The following EIF2AK3 variants were observed in gnomAD, a reference collection of about 807,000 sequenced individuals.
EIF2AK3 encodes eukaryotic translation initiation factor 2-alpha kinase 3.
In EIF2AK3, 50 loss-of-function variants were observed where a neutral mutation model predicts 113.5. The observed-to-expected ratio is 0.44, with a 90% CI of 0.35 to 0.56. The LOEUF is 0.56. Ranked by LOEUF, EIF2AK3 falls within the 20% of genes least tolerant of loss-of-function variation. The pLI, the probability that EIF2AK3 is intolerant of heterozygous loss-of-function variation, is 0.00. For missense variants in EIF2AK3, 1,185 were observed against 1,378.0 expected (o/e 0.86, Z 2.22); for synonymous variants, 448 against 495.4 (o/e 0.90, Z 1.27).
intron 2 of EIF2AK3, among the ~76,000 whole-genome samples, chr2:88,605,647 T>G (rs561869793): frequency 8.5e-5 from 13 of 152,292 alleles, no homozygotes; most frequent in African/African-American, 3.1e-4. Context: ...CAAGTATATG[T>G]CTGTATATTT....
chr2:88,607,614 C>G (rs1343341402), intron 2 of EIF2AK3, among the ~76,000 whole-genome samples: 1 of 152,156 alleles, frequency 6.6e-6, no homozygotes, highest in Non-Finnish European at 1.5e-5. Flanking sequence ...GTCAATTTCC[C>G]TTATCTTCCA....
intron 15 of EIF2AK3, among the ~76,000 whole-genome samples, chr2:88,561,201 G>A (rs557845400): frequency 4.6e-4 from 69 of 151,632 alleles, no homozygotes; most frequent in Non-Finnish European, 2.9e-4. Context: ...TGATCTTCCT[G>A]CTTGAGCCTC....
chr2:88,612,560 T>C (rs778655943), intron 2 of EIF2AK3, among the ~76,000 whole-genome samples: 19 of 152,352 alleles, frequency 1.2e-4, no homozygotes, highest in East Asian at 5.8e-4. Context: ...TAGCCACTTA[T>C]AAAGTCTACT....
intron 2 of EIF2AK3, among the ~76,000 whole-genome samples, chr2:88,611,295 C>CCAACTTAT (rs1675449651): frequency 6.6e-6 from 1 of 152,076 alleles, no homozygotes; most frequent in Non-Finnish European, 1.5e-5. Flanking sequence ...CAAAATGGGA[C>CCAACTTAT]CAACTTATCA....
At chr2:88,582,468 C>T (rs554104160) in intron 10 of EIF2AK3, among the ~76,000 whole-genome samples, 1 of 152,080 alleles carries the variant, frequency 6.6e-6, no homozygotes, top group Non-Finnish European at 1.5e-5. Flanking sequence ...AGGTGTTGTT[C>T]TCCAATGGGA....
intron 2 of EIF2AK3, among the ~76,000 whole-genome samples, chr2:88,599,533 C>G (rs1573412253): frequency 6.6e-6 from 1 of 150,876 alleles, no homozygotes; most frequent in South Asian, 2.1e-4. Context: ...CATTATCTAC[C>G]TCCATATTAT....
At chr2:88,567,274 A>G (rs917811451) in intron 14 of EIF2AK3, among the ~76,000 whole-genome samples, 6 of 151,924 alleles carry the variant, frequency 3.9e-5, no homozygotes, top group Non-Finnish European at 8.8e-5. Flanking sequence ...ATTTAAACAC[A>G]TCTATTTATT....
chr2:88,616,022 T>A (rs1196691464), intron 1 of EIF2AK3, among the ~76,000 whole-genome samples: 8 of 150,620 alleles, frequency 5.3e-5, no homozygotes, highest in Non-Finnish European at 1.2e-4. Flanking sequence ...GTCACCACGC[T>A]CTTTTTTTTT....
chr2:88,573,078 A>G (rs1031496501), intron 13 of EIF2AK3, among the ~76,000 whole-genome samples: 5 of 151,326 alleles, frequency 3.3e-5, no homozygotes, highest in Non-Finnish European at 7.4e-5. Flanking sequence ...AGCAAAATGT[A>G]CAGCTTTTTC....
At chr2:88,583,305 T>G (rs1674641043) in intron 10 of EIF2AK3, 125 bp downstream of exon 10, 2 of 689,496 alleles carry the variant, frequency 2.9e-6, no homozygotes, top group South Asian at 1.8e-5. Context: ...CTGAATTTAT[T>G]TATTTATTGA....
chr2:88,591,189 A>T, intron 4 of EIF2AK3, 137 bp from the exon 5 acceptor site: 2 of 811,042 alleles, frequency 2.5e-6, no homozygotes, highest in East Asian at 5.3e-5. Context: ...TCTGGAAAAG[A>T]GTGCTCTACT....
intron 2 of EIF2AK3, among the ~76,000 whole-genome samples, chr2:88,609,271 A>C (rs775431633): frequency 6.6e-6 from 1 of 152,178 alleles, no homozygotes; most frequent in Non-Finnish European, 1.5e-5. Context: ...TGGTTCGTGG[A>C]TTCTTTCAGG....
In EIF2AK3 at chr2:88,600,956, A is replaced by G. The variant is rs1261632328; in HGVS notation, c.439-5293T>C. Reference sequence around the variant, plus strand: ...TAACTGGTTATAAAAAATTTCAAGCATATAGAATGTGGAGATTAATAAATC... The same window carrying G: ...TAACTGGTTATAAAAAATTTCAAGCGTATAGAATGTGGAGATTAATAAATC... On this transcript the variant is annotated intron_variant, in intron 2 of 16. Transcript: ENST00000303236. Among the ~76,000 whole-genome samples, 3 of 152,216 alleles carry G rather than the reference A, an allele frequency of 2.0e-5. No homozygotes were observed. The East Asian group carries it at 5.8e-4, about 29-fold the overall frequency.
Position 88,590,580 on chromosome 2 carries a change from C to G in EIF2AK3, c.1028G>C (p.Trp343Ser). ...YQFCTPIASAWLLKDGKVIPI... is the reference protein window; with the variant it reads ...YQFCTPIASASLLKDGKVIPI... ...AATGACTTTCCCATCCTTAAGTAAC[C>G]AGGCAGATGCAATTGGAGTACAAAA... The change falls in exon 6 of 17, where the codon TGG (tryptophan) becomes TCG (serine). Residue 343 changes from tryptophan to serine, a missense_variant. Trp to Ser is a radical substitution (Grantham distance 177). Transcript: ENST00000303236. The G allele has an allele frequency of 6.2e-7, 1 of 1,613,066 alleles. No homozygotes were observed.
At chr2:88,617,780 T>G in intron 1 of EIF2AK3, among the ~76,000 whole-genome samples, 1 of 151,118 alleles carries the variant, frequency 6.6e-6, no homozygotes, top group East Asian at 1.9e-4. Context: ...AAAACTACCA[T>G]TGGGTACTAT....
chr2:88,571,286 T>C (rs1348953962), intron 13 of EIF2AK3, among the ~76,000 whole-genome samples: 1 of 152,228 alleles, frequency 6.6e-6, no homozygotes, highest in Non-Finnish European at 1.5e-5. Context: ...TTAAACCCTT[T>C]GAGGTGCACA....
chr2:88,599,890 C>T (rs935898639), intron 2 of EIF2AK3, among the ~76,000 whole-genome samples: 6 of 152,066 alleles, frequency 3.9e-5, no homozygotes, highest in Non-Finnish European at 7.4e-5. Context: ...AAAGTAAAAC[C>T]AGCCAATCAA....
In EIF2AK3 at chr2:88,627,189, G is replaced by A. The variant is rs529920914; in HGVS notation, c.86C>T (p.Ala29Val). ...LLLGLAARTVAAGRARGLPAP... is the reference protein window; with the variant it reads ...LLLGLAARTVVAGRARGLPAP... The stretch of plus-strand genomic sequence containing the variant: ...TGGGAGGCCACGGGCGCGCCCCGCG[G>A]CCACCGTCCTTGCCGCGAGCCCCAG... The change falls in exon 1 of 17, where the codon GCC becomes GTC. Residue 29 changes from alanine (A) to valine (V), a missense_variant. By Grantham distance (64) the Ala-to-Val change is moderately conservative (BLOSUM62 0). Transcript: ENST00000303236. The A allele has an allele frequency of 3.1e-5, 45 of 1,452,526 alleles. No individual in the cohort carries two copies. In the South Asian group the frequency reaches 5.8e-4, roughly 19 times the overall value. 90.0% of individuals were successfully genotyped at this position (1,452,526 alleles called of 1,614,324 possible).
At chr2:88,609,880 A>C (rs1288359184) in intron 2 of EIF2AK3, among the ~76,000 whole-genome samples, 2 of 139,656 alleles carry the variant, frequency 1.4e-5, no homozygotes, top group Non-Finnish European at 3.0e-5. Context: ...AGGCTGAGGC[A>C]GGAGGATAGC....
Sources: allele counts gnomAD v4.1 joint callset (sites outside exome capture counted in the v4.1 genomes callset), GRCh38; gene constraint gnomAD v4.1.1; transcripts MANE v1.5; gene names NCBI Gene and HGNC (gene_info 2026-07-23, HGNC 2026-07-21).